ARK2N: variants seen among roughly 807,000 people sequenced by gnomAD.
The protein encoded by ARK2N is arkadia (RNF111) N-terminal like PKA signaling regulator 2N, also known as protein ARK2N.
At chr18:46,212,230 C>T in the ARK2N span, among the ~76,000 whole-genome samples, 2 of 152,100 alleles carry the variant, frequency 1.3e-5, no homozygotes, top group South Asian at 4.1e-4. Flanking sequence ...TCTTTTTCTT[C>T]AGAAGACTTT....
chr18:46,250,312 A>T, the ARK2N span, among the ~76,000 whole-genome samples: 1 of 152,142 alleles, frequency 6.6e-6, no homozygotes. Context: ...TGAACTGCTT[A>T]TTGGACATAT....
At chr18:46,192,588 T>C in the ARK2N span, among the ~76,000 whole-genome samples, 1 of 151,300 alleles carries the variant, frequency 6.6e-6, no homozygotes, top group East Asian at 2.0e-4. Context: ...TTTTTTTTTT[T>C]TGAGACAGAG....
At chr18:46,212,772 A>G in the ARK2N span, among the ~76,000 whole-genome samples, 63 of 152,260 alleles carry the variant, frequency 4.1e-4, no homozygotes, top group Middle Eastern at 3.4e-3. Flanking sequence ...AAAACAATCT[A>G]GATTTACCTG....
the ARK2N span, among the ~76,000 whole-genome samples, chr18:46,174,891 G>C: frequency 1.1e-4 from 17 of 152,312 alleles, no homozygotes; most frequent in East Asian, 1.5e-3. Context: ...GGGAGAAAAG[G>C]CTTTCTTATA....
the ARK2N span, among the ~76,000 whole-genome samples, chr18:46,251,412 G>T: frequency 1.3e-5 from 2 of 152,112 alleles, no homozygotes; most frequent in African/African-American, 4.8e-5. Context: ...GCCACCTTTT[G>T]TATGCTTATA....
chr18:46,181,760 T>C, the ARK2N span, among the ~76,000 whole-genome samples: 1 of 152,064 alleles, frequency 6.6e-6, no homozygotes, highest in Non-Finnish European at 1.5e-5. Flanking sequence ...GTCTAGAAAT[T>C]AAGTTTATTT....
the ARK2N span, among the ~76,000 whole-genome samples, chr18:46,200,360 C>T: frequency 1.3e-5 from 2 of 151,946 alleles, no homozygotes; most frequent in Admixed American, 6.6e-5. Flanking sequence ...CAGGCTGGAG[C>T]GCAGTGGCGC....
chr18:46,231,290 T>C, the ARK2N span, among the ~76,000 whole-genome samples: 1,882 of 152,290 alleles, frequency 0.012, 51 homozygotes, highest in African/African-American at 0.043. Flanking sequence ...TAAGAGAAAT[T>C]AGCCTGGTTT....
At chr18:46,249,686 T>C in the ARK2N span, among the ~76,000 whole-genome samples, 3 of 152,336 alleles carry the variant, frequency 2.0e-5, no homozygotes, top group African/African-American at 7.2e-5. Context: ...AACAGGTCTC[T>C]CTCATTGTTA....
At chr18:46,239,916 G>A in the ARK2N span, 17 of 1,190,408 alleles carry the variant, frequency 1.4e-5, no homozygotes, top group Admixed American at 3.9e-5. Context: ...AATAATGAAG[G>A]CAACTGACAT....
At chr18:46,175,348 A>G in the ARK2N span, among the ~76,000 whole-genome samples, 1 of 152,122 alleles carries the variant, frequency 6.6e-6, no homozygotes, top group African/African-American at 2.4e-5. Flanking sequence ...ACATCTGCCA[A>G]TTTTGCTTAG....
chr18:46,197,416 T>C, the ARK2N span, among the ~76,000 whole-genome samples: 1 of 152,160 alleles, frequency 6.6e-6, no homozygotes, highest in African/African-American at 2.4e-5. Context: ...GTATTTTTAG[T>C]AGAAACGGGG....
At chr18:46,246,327 G>A in the ARK2N span, among the ~76,000 whole-genome samples, 94,973 of 151,990 alleles carry the variant, frequency 0.62, 31,827 homozygotes, top group Non-Finnish European at 0.75. Flanking sequence ...AGGAATGTGT[G>A]GGATGCTGAA....
At chr18:46,184,977 G>C in the ARK2N span, among the ~76,000 whole-genome samples, 1 of 152,172 alleles carries the variant, frequency 6.6e-6, no homozygotes, top group African/African-American at 2.4e-5. Flanking sequence ...GCTTTACTAG[G>C]CTATTAGCAG....
chr18:46,259,882 C>CGTGTGTGTGTGTGTGTGTGTGTGTGT, the ARK2N span, among the ~76,000 whole-genome samples: 15 of 39,322 alleles, frequency 3.8e-4, 1 homozygote, highest in Non-Finnish European at 4.5e-4. Flanking sequence ...GTGATCCTCC[C>CGTGTGTGTGTGTGTGTGTGTGTGTGT]GTCTGTGTGT....
At chr18:46,200,339 G>T in the ARK2N span, among the ~76,000 whole-genome samples, 732 of 152,024 alleles carry the variant, frequency 4.8e-3, 9 homozygotes, top group African/African-American at 0.016. Context: ...ACAGAGTCTT[G>T]CTCTGTCACC....
the ARK2N span, among the ~76,000 whole-genome samples, chr18:46,211,917 CCT>C: frequency 2.0e-5 from 3 of 152,076 alleles, no homozygotes; most frequent in Non-Finnish European, 4.4e-5. Context: ...CTTGACTGTT[CCT>C]ACCAGAAAAA....
the ARK2N span, among the ~76,000 whole-genome samples, chr18:46,212,444 A>T: frequency 1.3e-5 from 2 of 152,160 alleles, no homozygotes; most frequent in African/African-American, 4.8e-5. Flanking sequence ...TTATTTATTT[A>T]CATAAATGCT....
At chr18:46,185,868 T>C in the ARK2N span, among the ~76,000 whole-genome samples, 2 of 152,190 alleles carry the variant, frequency 1.3e-5, no homozygotes, top group East Asian at 1.9e-4. Context: ...ACACTGGTAA[T>C]CTCAGCTACT....
Sources: allele counts gnomAD v4.1 joint callset (sites outside exome capture counted in the v4.1 genomes callset), GRCh38; gene constraint gnomAD v4.1.1; transcripts MANE v1.5; gene names NCBI Gene and HGNC (gene_info 2026-07-23, HGNC 2026-07-21).